PTPRQ: variants seen among roughly 807,000 people sequenced by gnomAD.
PTPRQ encodes protein tyrosine phosphatase receptor type Q.
A neutral mutation model predicts 246.0 loss-of-function variants in PTPRQ; 199 were observed. The ratio of observed to expected loss-of-function variants is 0.81; its 90% CI spans 0.72 to 0.91. The LOEUF (loss-of-function observed/expected upper bound fraction) is 0.91, where lower values mean the gene tolerates loss of function less well. PTPRQ is among the 40% of genes least tolerant of loss of function. The probability of loss-of-function intolerance (pLI) is 0.00; values close to 1 mark genes in which losing one functional copy is unlikely to be tolerated. For synonymous variants in PTPRQ, 869 were observed against 853.2 expected (o/e 1.02, Z -0.32); for missense variants, 2,624 against 2,528.4 (o/e 1.04, Z -0.81).
chr12:80,500,034 C>T (rs1894749490), intron 14 of PTPRQ, among the ~76,000 whole-genome samples: 1 of 151,926 alleles, frequency 6.6e-6, no homozygotes, highest in Non-Finnish European at 1.5e-5. Context: ...TGGATAATAA[C>T]TTAGATGTTG....
At chr12:80,566,410 G>A (rs778246204) in intron 25 of PTPRQ, among the ~76,000 whole-genome samples, 3 of 152,018 alleles carry the variant, frequency 2.0e-5, no homozygotes, top group Admixed American at 6.5e-5. Flanking sequence ...CCCAGGAGGC[G>A]GAGGTTGCAG....
At chr12:80,564,779 A>G (rs929542884) in intron 25 of PTPRQ, among the ~76,000 whole-genome samples, 6 of 152,176 alleles carry the variant, frequency 3.9e-5, no homozygotes, top group Non-Finnish European at 7.4e-5. Flanking sequence ...AATTCTTTCT[A>G]CTATATTGTC....
intron 25 of PTPRQ, among the ~76,000 whole-genome samples, chr12:80,575,183 CT>C (rs1307716596): frequency 2.0e-5 from 3 of 152,144 alleles, no homozygotes; most frequent in Non-Finnish European, 4.4e-5. Flanking sequence ...ACACTGAACA[CT>C]TTAGTGTATA....
chr12:80,605,364 A>G lies in PTPRQ; in HGVS notation c.4731+184A>G, dbSNP rs1898277908. Among the ~76,000 whole-genome samples the G allele has an allele frequency of 1.3e-5, 2 of 151,342 alleles. 1 individual carries two copies. The highest frequency in any genetic ancestry group is 4.1e-4 in the South Asian group (2 of 4,834). On this transcript the variant is annotated intron_variant, in intron 27 of 44. Transcript: ENST00000644991. ...ATAGTAAACAGGGTATGAGGACTGA[A>G]TCAGTTAACATGCATAAAGAACTTG...
At chr12:80,467,305 A>T (rs1893460526) in intron 6 of PTPRQ, among the ~76,000 whole-genome samples, 1 of 152,130 alleles carries the variant, frequency 6.6e-6, no homozygotes, top group Non-Finnish European at 1.5e-5. Flanking sequence ...AACCACAATG[A>T]GATACCATCT....
At position 80,468,725 on chromosome 12, in the gene PTPRQ, C is replaced by T. The variant is rs1176006794; in HGVS notation, c.926C>T (p.Pro309Leu). 4 of 1,545,476 alleles carry T rather than the reference C, an allele frequency of 2.6e-6. No homozygotes were observed. Residue 309 changes from proline (P) to leucine (L), a missense_variant, in exon 7 of 45, where the codon CCA (proline) becomes CTA (leucine). Coordinates refer to ENST00000644991, the MANE Select transcript of PTPRQ (RefSeq NM_001145026.2). ...ATTATTTTAGTGCCTGAAGGACCACCACAAAACTGCGTAACAGGCAACATC... is the reference window on the plus strand; with the variant it reads ...ATTATTTTAGTGCCTGAAGGACCACTACAAAACTGCGTAACAGGCAACATC... ...RTPESVPEGP[P>L]QNCVTGNITG...
At position 80,490,934 on chromosome 12, in the gene PTPRQ, G is replaced by T. The variant is rs201039782; in HGVS notation, c.1360-2341G>T. Among the ~76,000 whole-genome samples the T allele has an allele frequency of 3.9e-4, 59 of 151,910 alleles. No individual in the cohort carries two copies. The East Asian group carries it at 5.6e-3, about 15-fold the overall frequency. On this transcript the variant is annotated intron_variant, in intron 9 of 44. Coordinates refer to ENST00000644991, the MANE Select transcript of PTPRQ (RefSeq NM_001145026.2). ...CTAACCTAATGTCTTTTCTTAAGAG[G>T]TTAAGTGTGAGAAATATTTGCAACA...
chr12:80,677,893 CT>C lies in PTPRQ; in HGVS notation c.6739-699del, dbSNP rs138602540. On this transcript the variant is annotated intron_variant, in intron 43 of 44. Coordinates refer to ENST00000644991, the MANE Select transcript of PTPRQ (RefSeq NM_001145026.2). Reference sequence around the variant, plus strand: ...GCAAATGAGGGTGATTTGAAATATACTTTTTTTTTTAGCTTTAACTACTTTT... The same window carrying C: ...GCAAATGAGGGTGATTTGAAATATACTTTTTTTTTAGCTTTAACTACTTTT... Among the ~76,000 whole-genome samples, 834 of 148,544 alleles carry C rather than the reference CT, an allele frequency of 5.6e-3. 5 individuals are homozygous for C. The highest frequency in any genetic ancestry group is 0.018 in the African/African-American group (753 of 40,728).
intron 6 of PTPRQ, chr12:80,461,878 G>T (rs1420861622): frequency 6.8e-6 from 1 of 146,778 alleles, no homozygotes; most frequent in Non-Finnish European, 1.5e-5. Flanking sequence ...AATGATTTCG[G>T]GGGGAGCCAA....
At chr12:80,444,693 G>A (rs1300734922) in intron 1 of PTPRQ, 48 bp from the exon 2 acceptor site, 1 of 1,380,462 alleles carries the variant, frequency 7.2e-7, no homozygotes, top group Non-Finnish European at 1.0e-6. Flanking sequence ...TAGCTTGCTT[G>A]CTTTCCAGAA....
intron 43 of PTPRQ, among the ~76,000 whole-genome samples, chr12:80,675,295 C>T (rs546104222): frequency 6.6e-6 from 1 of 152,146 alleles, no homozygotes; most frequent in Non-Finnish European, 1.5e-5. Context: ...TGTAGTGGAA[C>T]TTTACATTTT....
At chr12:80,659,982 C>T (rs1438917745) in intron 39 of PTPRQ, among the ~76,000 whole-genome samples, 1 of 152,080 alleles carries the variant, frequency 6.6e-6, no homozygotes, top group African/African-American at 2.4e-5. Context: ...ACTGCAGTGG[C>T]CCTCACTTTC....
intron 38 of PTPRQ, 35 bp from the exon 39 acceptor site, chr12:80,657,950 G>A: frequency 7.5e-7 from 1 of 1,336,972 alleles, no homozygotes; most frequent in Non-Finnish European, 9.8e-7. Context: ...AATTTAAAAA[G>A]CCAATTAACA....
At chr12:80,554,085 G>A (rs560000940) in intron 25 of PTPRQ, among the ~76,000 whole-genome samples, 2 of 151,532 alleles carry the variant, frequency 1.3e-5, no homozygotes, top group Admixed American at 6.6e-5. Context: ...GGCAGGGGGG[G>A]TAGGAAAAGC....
chr12:80,492,783 G>T (rs1358228318), intron 9 of PTPRQ, among the ~76,000 whole-genome samples: 2 of 151,784 alleles, frequency 1.3e-5, no homozygotes, highest in Non-Finnish European at 2.9e-5. Flanking sequence ...GTTTTATTCT[G>T]GTATGTAACT....
chr12:80,607,148 C>G (rs895270101), intron 27 of PTPRQ, among the ~76,000 whole-genome samples: 9 of 150,740 alleles, frequency 6.0e-5, no homozygotes, highest in Non-Finnish European at 1.0e-4. Context: ...TATATGTTAT[C>G]CAGCAATATT....
intron 39 of PTPRQ, among the ~76,000 whole-genome samples, chr12:80,668,020 G>C (rs1373216949): frequency 1.3e-5 from 2 of 151,838 alleles, no homozygotes; most frequent in East Asian, 3.9e-4. Context: ...TTACATTTTA[G>C]AGTCCCTGGA....
intron 35 of PTPRQ, among the ~76,000 whole-genome samples, chr12:80,644,220 G>A (rs996013202): frequency 5.9e-5 from 9 of 152,060 alleles, no homozygotes; most frequent in African/African-American, 2.2e-4. Context: ...TTTTTGATAG[G>A]CTTTAAAGAA....
At position 80,496,335 on chromosome 12, in the gene PTPRQ, C is replaced by T. The variant is rs1017706177; in HGVS notation, c.2076C>T (p.Pro692=). 1.9e-6 allele frequency: 3 copies of T among 1,550,524 alleles called. No homozygotes were observed. Among genetic ancestry groups the T allele is most frequent in the East Asian group, 2.4e-5 (1 of 40,878 alleles). ...IRLKWSPPEK[P]NGIIIAYEVL... Reference sequence around the variant, plus strand: ...TGAAGTGGTCACCACCCGAAAAGCCCAATGGGATCATTATTGCTTATGAAG... The same window carrying T: ...TGAAGTGGTCACCACCCGAAAAGCCTAATGGGATCATTATTGCTTATGAAG... Residue 692 remains proline, a synonymous_variant, in exon 14 of 45, where the codon CCC becomes CCT. Transcript: ENST00000644991.
Sources: gnomAD v4.1 joint callset for allele counts (sites outside exome capture counted in the v4.1 genomes callset) on GRCh38, gnomAD v4.1.1 for gene constraint, MANE v1.5 for transcripts, NCBI Gene and HGNC (gene_info 2026-07-23, HGNC 2026-07-21) for gene names.